Variants in CDH4 observed in about 807,000 individuals in gnomAD.
CDH4 encodes the protein cadherin-4.
In CDH4, 33 loss-of-function variants were observed where a neutral mutation model predicts 86.0. The observed-to-expected ratio is 0.38, with a 90% CI of 0.29 to 0.51. CDH4 has a LOEUF of 0.51. Among genes scored for constraint, CDH4 ranks in the 20% least tolerant of loss-of-function variants. The probability of loss-of-function intolerance (pLI) is 0.86; values close to 1 mark genes in which losing one functional copy is unlikely to be tolerated. For missense variants in CDH4, 1,114 were observed against 1,307.4 expected, an observed-to-expected ratio of 0.85 and a Z score of 2.28; for synonymous variants, 555 against 549.4, an observed-to-expected ratio of 1.01 and a Z score of -0.14.
chr20:61,385,983 C>T (rs1277070306), intron 2 of CDH4, among the ~76,000 whole-genome samples: 1 of 152,150 alleles, frequency 6.6e-6, no homozygotes, highest in Non-Finnish European at 1.5e-5. Context: ...GGTCAGGAGC[C>T]ACAGTTGTCC....
intron 2 of CDH4, among the ~76,000 whole-genome samples, chr20:61,547,578 G>A (rs534844570): frequency 6.6e-6 from 1 of 151,338 alleles, no homozygotes; most frequent in Non-Finnish European, 1.5e-5. Flanking sequence ...TTGACCCTGG[G>A]GTGGGGGTGG....
intron 2 of CDH4, among the ~76,000 whole-genome samples, chr20:61,402,486 G>C (rs12625440): frequency 0.048 from 7,357 of 152,146 alleles, 282 homozygotes; most frequent in East Asian, 0.21. Flanking sequence ...CCTCCTCCCG[G>C]GTTCAAGCAA....
intron 11 of CDH4, among the ~76,000 whole-genome samples, chr20:61,924,708 TG>T (rs1431650295): frequency 6.6e-6 from 1 of 152,064 alleles, no homozygotes; most frequent in Non-Finnish European, 1.5e-5. Flanking sequence ...TCATTCATTC[TG>T]CCCCCTCCCC....
chr20:61,317,632 T>G (rs185706221), intron 2 of CDH4, among the ~76,000 whole-genome samples: 2 of 152,180 alleles, frequency 1.3e-5, no homozygotes, highest in East Asian at 1.9e-4. Context: ...TTGAGCAGAC[T>G]CCCAGGCTGG....
chr20:61,686,443 G>A (rs961987680), intron 2 of CDH4, among the ~76,000 whole-genome samples: 6 of 147,426 alleles, frequency 4.1e-5, no homozygotes, highest in Non-Finnish European at 7.5e-5. Context: ...GTGCGTGTGC[G>A]TGTGCATTCG....
rs143427121 is a variant in CDH4 at position 61,822,647 on chromosome 20, C to T, written c.577-22021C>T. ...CAGTGGGAACATCTAGAGGCACCCC[C>T]GACGCCCCTGCTTCCCCATGGAGCA... On this transcript the variant is annotated intron_variant, in intron 4 of 15. Transcript: ENST00000614565. Among the ~76,000 whole-genome samples the T allele has an allele frequency of 6.1e-3, 927 of 152,264 alleles. 5 individuals are homozygous for T. The highest frequency in any genetic ancestry group is 0.015 in the South Asian group (70 of 4,818).
intron 2 of CDH4, among the ~76,000 whole-genome samples, chr20:61,590,063 G>A (rs2086507032): frequency 6.6e-6 from 1 of 151,830 alleles, no homozygotes; most frequent in African/African-American, 2.4e-5. Context: ...TCCCCGGACA[G>A]AGGGGAGTTG....
At chr20:61,341,707 G>A (rs187570355) in intron 2 of CDH4, among the ~76,000 whole-genome samples, 20 of 152,222 alleles carry the variant, frequency 1.3e-4, no homozygotes, top group African/African-American at 4.3e-4. Flanking sequence ...ATAGGCCGCT[G>A]AGTAATTGGA....
At chr20:61,618,339 G>T (rs932912427) in intron 2 of CDH4, among the ~76,000 whole-genome samples, 2 of 152,230 alleles carry the variant, frequency 1.3e-5, no homozygotes, top group Non-Finnish European at 2.9e-5. Flanking sequence ...TTGTTTTTCA[G>T]GTTTCTCTGG....
chr20:61,361,711 C>T (rs1052806038), intron 2 of CDH4, among the ~76,000 whole-genome samples: 3 of 152,136 alleles, frequency 2.0e-5, no homozygotes, highest in Admixed American at 6.5e-5. Flanking sequence ...AGCTGGAGCC[C>T]GAGTCAGGAA....
At chr20:61,382,584 T>A (rs1600921303) in intron 2 of CDH4, among the ~76,000 whole-genome samples, 1 of 152,222 alleles carries the variant, frequency 6.6e-6, no homozygotes, top group East Asian at 1.9e-4. Flanking sequence ...CAGGGACTTA[T>A]CTTTTCACAG....
chr20:61,335,686 T>C lies in CDH4; in HGVS notation c.169+80749T>C, dbSNP rs1466150105. On this transcript the variant is annotated intron_variant, in intron 2 of 15. Transcript: ENST00000614565. ...TCCATGGAGGGCATCTGAGTTCACCTTTAGAGAAGGAGAGCATAATGCGCC... is the reference window on the plus strand; with the variant it reads ...TCCATGGAGGGCATCTGAGTTCACCCTTAGAGAAGGAGAGCATAATGCGCC... Among the ~76,000 whole-genome samples the C allele has an allele frequency of 2.0e-5, 3 of 152,210 alleles. 1 individual carries two copies. Among genetic ancestry groups the C allele is most frequent in the Admixed American group, 2.0e-4 (3 of 15,286 alleles).
rs1980776686 is a variant in CDH4, at chr20:61,817,451, T to C, written c.577-27217T>C. On this transcript the variant is annotated intron_variant, in intron 4 of 15. Transcript: ENST00000614565. ...CCCCCCAAATGGATCTGCTGGGGCC[T>C]GAAACACTCCTAGGCCCACACAAGA... 2.6e-5 allele frequency among the ~76,000 whole-genome samples: 4 copies of C among 152,310 alleles called. No individual in the cohort carries two copies. In the South Asian group the frequency reaches 8.3e-4, roughly 32 times the overall value.
intron 2 of CDH4, among the ~76,000 whole-genome samples, chr20:61,281,388 C>T (rs1489899312): frequency 6.6e-6 from 1 of 152,182 alleles, no homozygotes; most frequent in Non-Finnish European, 1.5e-5. Flanking sequence ...TGTGTGGAGA[C>T]ACAGCAGGAA....
At chr20:61,328,391 G>A (rs2084548458) in intron 2 of CDH4, among the ~76,000 whole-genome samples, 1 of 152,144 alleles carries the variant, frequency 6.6e-6, no homozygotes, top group African/African-American at 2.4e-5. Flanking sequence ...TAGCCAGGAT[G>A]GTCTCAATCT....
chr20:61,569,261 T>C (rs546759649), intron 2 of CDH4, among the ~76,000 whole-genome samples: 109 of 152,324 alleles, frequency 7.2e-4, no homozygotes, highest in Non-Finnish European at 1.0e-3. Flanking sequence ...GCACTGCACA[T>C]AGTAAGTGCT....
intron 2 of CDH4, among the ~76,000 whole-genome samples, chr20:61,664,529 G>A (rs1285450490): frequency 6.6e-6 from 1 of 152,236 alleles, no homozygotes; most frequent in Non-Finnish European, 1.5e-5. Context: ...CCGGGCCCAG[G>A]AGTCTGGTTT....
intron 2 of CDH4, among the ~76,000 whole-genome samples, chr20:61,626,221 G>A (rs180714737): frequency 1.0e-3 from 154 of 152,264 alleles, no homozygotes; most frequent in African/African-American, 3.5e-3. Flanking sequence ...GTCAGGGAAC[G>A]GCGGAGCAGG....
In CDH4 at chr20:61,743,545, CT is replaced by C; in HGVS notation, c.170-17del. 1 of 1,548,592 alleles carries C rather than the reference CT, an allele frequency of 6.5e-7. No homozygotes were observed. Among genetic ancestry groups the C allele is most frequent in the Non-Finnish European group, 8.7e-7 (1 of 1,143,206 alleles). ...TGCTGGCCAAGCCGACCCTGACTCT[CT>C]CCCCCTCCTCTTGCAGTCAAGTTCA... On this transcript the variant is annotated splice_polypyrimidine_tract_variant and intron_variant, in intron 2 of 15. Transcript: ENST00000614565.
Sources: allele counts gnomAD v4.1 joint callset (sites outside exome capture counted in the v4.1 genomes callset), GRCh38; gene constraint gnomAD v4.1.1; transcripts MANE v1.5; gene names NCBI Gene and HGNC (gene_info 2026-07-23, HGNC 2026-07-21).